The following PI4KA variants were observed in gnomAD, a reference collection of about 807,000 sequenced individuals.
The protein encoded by PI4KA is PI4-kinase alpha.
Under a neutral mutation model 271.4 loss-of-function variants are expected in PI4KA, and 122 were observed. The observed-to-expected ratio is 0.45, with a 90% CI of 0.39 to 0.52. The LOEUF is 0.52. Ranked by LOEUF, PI4KA falls within the 20% of genes least tolerant of loss-of-function variation. The pLI is 0.00. For missense variants in PI4KA, 1,969 were observed against 2,769.1 expected (o/e 0.71, Z 6.48); for synonymous variants, 1,041 against 1,078.8 (o/e 0.96, Z 0.69).
chr22:20,756,635 A>C (rs1056352230), intron 23 of PI4KA, among the ~76,000 whole-genome samples: 6 of 149,812 alleles, frequency 4.0e-5, no homozygotes, highest in Non-Finnish European at 8.9e-5. Flanking sequence ...GAGATTAAAA[A>C]AAATTTTTTT....
chr22:20,824,271 G>C (rs946168306), intron 4 of PI4KA, 55 bp downstream of exon 4: 6 of 1,076,496 alleles, frequency 5.6e-6, no homozygotes, highest in East Asian at 2.4e-5. Flanking sequence ...TCATCACTTT[G>C]GGACTCTATT....
At chr22:20,750,407 A>G (rs1930544190) in intron 27 of PI4KA, among the ~76,000 whole-genome samples, 1 of 152,214 alleles carries the variant, frequency 6.6e-6, no homozygotes, top group African/African-American at 2.4e-5. Flanking sequence ...CTGTAAGACA[A>G]TCAATGTCTG....
At chr22:20,746,612 T>G (rs1930144746) in intron 29 of PI4KA, among the ~76,000 whole-genome samples, 1 of 152,244 alleles carries the variant, frequency 6.6e-6, no homozygotes, top group Non-Finnish European at 1.5e-5. Flanking sequence ...GAGTTCCGCC[T>G]CTGGCCTCTG....
At position 20,711,702 on chromosome 22, in the gene PI4KA, A is replaced by T. The variant is rs114184084; in HGVS notation, c.5803-241T>A. 0.029 allele frequency among the ~76,000 whole-genome samples: 4,392 copies of T among 152,066 alleles called. 201 individuals are homozygous for T. Among genetic ancestry groups the T allele is most frequent in the African/African-American group, 0.099 (4,100 of 41,484 alleles). On this transcript the variant is annotated intron_variant, in intron 50 of 54. Coordinates refer to ENST00000255882, the MANE Select transcript of PI4KA (RefSeq NM_058004.4). ...AACTTAACTTTCTTCTAAGGAGTCC[A>T]ACCCAGCCCTACATTCTTTTGACTC...
chr22:20,724,363 T>A (rs1927103269), intron 42 of PI4KA, among the ~76,000 whole-genome samples: 1 of 150,642 alleles, frequency 6.6e-6, no homozygotes, highest in Non-Finnish European at 1.5e-5. Flanking sequence ...CCTAGCACTA[T>A]GGGATGCCAA....
At chr22:20,849,445 C>T (rs116892765) in intron 1 of PI4KA, among the ~76,000 whole-genome samples, 260 of 152,326 alleles carry the variant, frequency 1.7e-3, no homozygotes, top group Non-Finnish European at 3.3e-3. Context: ...ACAATCCAAA[C>T]ATCCACCTAC....
Position 20,744,610 on chromosome 22 carries a change from C to T in PI4KA, c.3456+18G>A, listed in dbSNP as rs184441683. On this transcript the variant is annotated intron_variant, in intron 30 of 54. Coordinates refer to ENST00000255882, the MANE Select transcript of PI4KA (RefSeq NM_058004.4). Reference sequence around the variant, plus strand: ...AGGACACGTTAAAGGCCCTAGGGCGCAAGGACAAGAGAAGCACCTCGCCCG... The same window carrying T: ...AGGACACGTTAAAGGCCCTAGGGCGTAAGGACAAGAGAAGCACCTCGCCCG... 5.9e-5 allele frequency: 95 copies of T among 1,601,596 alleles called. No homozygotes were observed. The African/African-American group carries it at 1.1e-3, about 19-fold the overall frequency.
chr22:20,806,410 C>T (rs1935653804), intron 10 of PI4KA, among the ~76,000 whole-genome samples: 1 of 152,158 alleles, frequency 6.6e-6, no homozygotes, highest in Admixed American at 6.5e-5. Flanking sequence ...TGGCTAACAC[C>T]TGTAATCCCA....
At chr22:20,720,762 T>C (rs922880516) in intron 43 of PI4KA, among the ~76,000 whole-genome samples, 1 of 152,224 alleles carries the variant, frequency 6.6e-6, no homozygotes, top group Non-Finnish European at 1.5e-5. Flanking sequence ...GCTCATTTTT[T>C]AGTTTTTTGG....
At chr22:20,853,224 A>G (rs1436884167) in intron 1 of PI4KA, among the ~76,000 whole-genome samples, 1 of 152,188 alleles carries the variant, frequency 6.6e-6, no homozygotes, top group Non-Finnish European at 1.5e-5. Context: ...AGGACAAGGA[A>G]TGCTATCTAC....
intron 26 of PI4KA, 139 bp downstream of exon 26, chr22:20,751,535 C>T (rs965721635): frequency 8.5e-6 from 8 of 945,678 alleles, no homozygotes; most frequent in Non-Finnish European, 1.3e-5. Flanking sequence ...GCCCCCTCAC[C>T]CCCAACTCGA....
intron 19 of PI4KA, among the ~76,000 whole-genome samples, chr22:20,778,452 C>T (rs574314700): frequency 3.0e-4 from 45 of 152,114 alleles, no homozygotes; most frequent in Admixed American, 5.2e-4. Flanking sequence ...TGCAGTAAGC[C>T]GAGATCGCGC....
chr22:20,786,476 A>G (rs1193042885), intron 19 of PI4KA, among the ~76,000 whole-genome samples: 4 of 152,206 alleles, frequency 2.6e-5, no homozygotes, highest in African/African-American at 9.6e-5. Flanking sequence ...AAGAGCCATT[A>G]AACACCGCAC....
chr22:20,769,384 G>A (rs1932776320), intron 19 of PI4KA, among the ~76,000 whole-genome samples: 1 of 152,070 alleles, frequency 6.6e-6, no homozygotes, highest in African/African-American at 2.4e-5. Context: ...AAGTATCAAG[G>A]TCAGGCCAGG....
intron 45 of PI4KA, among the ~76,000 whole-genome samples, chr22:20,716,687 C>T (rs1926038155): frequency 6.6e-6 from 1 of 152,142 alleles, no homozygotes; most frequent in African/African-American, 2.4e-5. Flanking sequence ...GGGCTGGGGA[C>T]TTCTGTGCAT....
At chr22:20,770,588 AC>A (rs1438617831) in intron 19 of PI4KA, among the ~76,000 whole-genome samples, 2 of 72,872 alleles carry the variant, frequency 2.7e-5, no homozygotes, top group Non-Finnish European at 5.4e-5. Context: ...GGACACACAC[AC>A]ACACACACAC....
chr22:20,722,926 A>C (rs911508532), intron 42 of PI4KA, among the ~76,000 whole-genome samples: 22 of 152,182 alleles, frequency 1.4e-4, no homozygotes, highest in Admixed American at 1.3e-4. Context: ...AATTATGTAA[A>C]CACTGACAGA....
At chr22:20,715,133 C>A (rs1259151510) in intron 45 of PI4KA, among the ~76,000 whole-genome samples, 4 of 150,884 alleles carry the variant, frequency 2.7e-5, no homozygotes, top group Admixed American at 6.6e-5. Context: ...TGCAGTGGTG[C>A]GATCTTGGCT....
chr22:20,789,733 G>C (rs1455419414), intron 19 of PI4KA, among the ~76,000 whole-genome samples: 5 of 152,160 alleles, frequency 3.3e-5, no homozygotes, highest in Admixed American at 2.0e-4. Flanking sequence ...CTTAACTGGG[G>C]AGCCTTGGGT....
Sources: allele counts gnomAD v4.1 joint callset (sites outside exome capture counted in the v4.1 genomes callset), GRCh38; gene constraint gnomAD v4.1.1; transcripts MANE v1.5; gene names NCBI Gene and HGNC (gene_info 2026-07-23, HGNC 2026-07-21).